The following STT3A variants were observed in gnomAD, a reference collection of about 807,000 sequenced individuals.
The protein encoded by STT3A is STT3 oligosaccharyltransferase complex catalytic subunit A.
STT3A carries 34 observed loss-of-function variants against 89.2 expected under a neutral mutation model. The ratio of observed to expected loss-of-function variants is 0.38; its 90% CI spans 0.29 to 0.51. The LOEUF is 0.51. Among genes scored for constraint, STT3A ranks in the 20% least tolerant of loss-of-function variants. The pLI, the probability that STT3A is intolerant of heterozygous loss-of-function variation, is 0.89. For missense variants in STT3A, 555 were observed against 889.5 expected (o/e 0.62, Z 4.78); for synonymous variants, 282 against 310.3 (o/e 0.91, Z 0.96).
At chr11:125,596,911 G>C (rs942692652) in intron 2 of STT3A, 148 bp from the exon 3 acceptor site, 3 of 846,008 alleles carry the variant, frequency 3.5e-6, no homozygotes, top group Non-Finnish European at 5.4e-6. Context: ...CCTTTATGTG[G>C]GGAAAGATGG....
At chr11:125,610,021 G>A (rs1436321525) in intron 10 of STT3A, 3 of 149,568 alleles carry the variant, frequency 2.0e-5, no homozygotes, top group African/African-American at 7.5e-5. Flanking sequence ...ATTTACCGGT[G>A]TTAGTGGTCT....
At chr11:125,604,783 A>C (rs1335057728) in intron 6 of STT3A, among the ~76,000 whole-genome samples, 1 of 152,244 alleles carries the variant, frequency 6.6e-6, no homozygotes, top group African/African-American at 2.4e-5. Flanking sequence ...GCCATGATAA[A>C]AATTTGAACA....
intron 15 of STT3A, among the ~76,000 whole-genome samples, chr11:125,615,219 A>G (rs1467747224): frequency 6.6e-6 from 1 of 152,102 alleles, no homozygotes; most frequent in Non-Finnish European, 1.5e-5. Context: ...GTGGGCTGAC[A>G]TTGCGCCATT....
intron 10 of STT3A, 72 bp from the exon 11 acceptor site, chr11:125,611,356 A>G: frequency 8.6e-7 from 1 of 1,158,808 alleles, no homozygotes; most frequent in Non-Finnish European, 1.3e-6. Context: ...CAGTCATATA[A>G]TGAAGATACT....
In STT3A at chr11:125,595,960, C is replaced by T. The variant is rs1473936563; in HGVS notation, c.45C>T (p.Asp15=). ...TGCGATTGTCCTATGAGAAGCAGGA[C>T]ACACTTTTGAAGCTTCTCATTCTGT... ...GFLRLSYEKQ[D]TLLKLLILSM... The change falls in exon 2 of 18, where the codon GAC becomes GAT. Residue 15 remains aspartate (D), a synonymous_variant. Transcript: ENST00000392708. The T allele has an allele frequency of 4.3e-6, 7 of 1,614,038 alleles. No homozygotes were observed. Among genetic ancestry groups the T allele is most frequent in the Non-Finnish European group, 5.1e-6 (6 of 1,179,952 alleles).
intron 9 of STT3A, among the ~76,000 whole-genome samples, chr11:125,608,771 C>T (rs113436121): frequency 0.013 from 1,962 of 152,350 alleles, 21 homozygotes; most frequent in Non-Finnish European, 0.022. Flanking sequence ...ATTTTACATT[C>T]AATCCACTTT....
At chr11:125,592,517 G>C (rs941922131), upstream of STT3A, 3 of 454,348 alleles carry the variant, frequency 6.6e-6, no homozygotes, top group African/African-American at 6.0e-5. Flanking sequence ...TCACATGACG[G>C]GAGTCAGTGG....
Position 125,618,397 on chromosome 11 carries a change from T to G in STT3A, c.1799T>G (p.Val600Gly). The G allele has an allele frequency of 6.2e-7, 1 of 1,610,998 alleles. No individual in the cohort carries two copies. The highest frequency in any genetic ancestry group is 8.5e-7 in the Non-Finnish European group (1 of 1,178,930). The change falls in exon 16 of 18, where the codon GTC becomes GGC. Residue 600 changes from valine to glycine, a missense_variant. Physicochemically the swap from Val to Gly is moderately radical, Grantham distance 109 (BLOSUM62 -3). Around this residue, in one of 5 missense-constraint regions of STT3A, gnomAD observed 273 missense variants for 449.8 expected, o/e 0.61. Transcript: ENST00000392708. Reference protein sequence around the residue: ...SDDINKFLWMVRIGGSTDTGK... With the variant: ...SDDINKFLWMGRIGGSTDTGK... Reference sequence around the variant, plus strand: ...GATATCAACAAGTTTCTTTGGATGGTCCGGATTGGAGGGAGCACAGATACA... The same window carrying G: ...GATATCAACAAGTTTCTTTGGATGGGCCGGATTGGAGGGAGCACAGATACA...
chr11:125,617,787 T>C (rs1178685083), intron 15 of STT3A, among the ~76,000 whole-genome samples: 1 of 152,224 alleles, frequency 6.6e-6, no homozygotes, highest in Non-Finnish European at 1.5e-5. Flanking sequence ...CACTGTCTAA[T>C]AGAAATAATG....
At chr11:125,612,791 G>GTGTGTGTA (rs781646960) in intron 12 of STT3A, 44 bp downstream of exon 12, 8 of 1,599,658 alleles carry the variant, frequency 5.0e-6, no homozygotes, top group East Asian at 2.2e-5. Flanking sequence ...CTCTGTGTGT[G>GTGTGTGTA]TGTGTGTATG....
At position 125,618,472 on chromosome 11, in the gene STT3A, G is replaced by A. The variant is rs775696721; in HGVS notation, c.1874G>A (p.Arg625His). 1.1e-5 allele frequency: 17 copies of A among 1,613,862 alleles called. 1 individual carries two copies. The South Asian group carries it at 1.4e-4, about 14-fold the overall frequency. Reference sequence around the variant, plus strand: ...TATTATACTCCAACTGGGGAGTTCCGTGTGGACCGTGAAGGTTCTCCAGTG... The same window carrying A: ...TATTATACTCCAACTGGGGAGTTCCATGTGGACCGTGAAGGTTCTCCAGTG... ...NDYYTPTGEF[R>H]VDREGSPVLL... The change falls in exon 16 of 18, where the codon CGT becomes CAT. Residue 625 changes from arginine to histidine, a missense_variant. Physicochemically the swap from Arg to His is conservative, Grantham distance 29. This residue lies in a region of STT3A where 273 missense variants were observed against 449.8 expected (regional missense o/e 0.61). Coordinates refer to ENST00000392708, the MANE Select transcript of STT3A (RefSeq NM_152713.5).
chr11:125,612,564 G>T, intron 11 of STT3A, 28 bp from the exon 12 acceptor site: 1 of 1,607,432 alleles, frequency 6.2e-7, no homozygotes, highest in Non-Finnish European at 8.5e-7. Flanking sequence ...ACACTGATTA[G>T]ACTGATCATG....
At chr11:125,598,302 A>G (rs1293797675) in intron 3 of STT3A, among the ~76,000 whole-genome samples, 1 of 152,112 alleles carries the variant, frequency 6.6e-6, no homozygotes, top group Non-Finnish European at 1.5e-5. Flanking sequence ...AGGAACCGTG[A>G]TTTGAATGTT....
chr11:125,610,623 G>A (rs1454755515), intron 10 of STT3A: 1 of 151,958 alleles, frequency 6.6e-6, no homozygotes, highest in African/African-American at 2.4e-5. Context: ...AGGATGAGGT[G>A]GGAGGATTGC....
Position 125,614,281 on chromosome 11 carries a change from G to T in STT3A, c.1672-43G>T. ...ATGTGTCTGCATGAGGGGATCATAT[G>T]ACTTGGGATTTTGCTCTGAGAATTG... On this transcript the variant is annotated intron_variant, in intron 14 of 17. Coordinates refer to ENST00000392708, the MANE Select transcript of STT3A (RefSeq NM_152713.5). This position sits in a 1 kb window ranked among gnomAD's most constrained non-coding sequence, Gnocchi z 4.9. 1 of 1,613,516 alleles carries T rather than the reference G, an allele frequency of 6.2e-7. No individual in the cohort carries two copies. The highest frequency in any genetic ancestry group is 1.1e-5 in the South Asian group (1 of 91,014).
chr11:125,592,730 G>T (rs12270381), upstream of STT3A: 4,201 of 296,812 alleles, frequency 0.014, 160 homozygotes, highest in African/African-American at 0.083. Flanking sequence ...TTGAATCGCG[G>T]CCCGGTTTAC....
chr11:125,618,036 G>A (rs981437336), intron 15 of STT3A, among the ~76,000 whole-genome samples: 46 of 151,738 alleles, frequency 3.0e-4, no homozygotes, highest in African/African-American at 1.0e-3. Context: ...ATCTTAATTT[G>A]GACTAGCCAC....
intron 6 of STT3A, among the ~76,000 whole-genome samples, chr11:125,605,264 A>G (rs545497885): frequency 9.9e-5 from 15 of 152,264 alleles, no homozygotes; most frequent in African/African-American, 3.6e-4. Flanking sequence ...CATGAGTATT[A>G]TATGTTAAGA....
In STT3A at chr11:125,622,014, G is replaced by C. The variant is rs182599244; in HGVS notation, c.*1204G>C. ...TGTGCCACTGTACTCCAGTCTGGGC[G>C]ACAGTGAAATCTTGTCTAAACAAAA... is the stretch of plus-strand genomic sequence containing the variant. On this transcript the variant is annotated 3_prime_UTR_variant, in exon 18 of 18. Transcript: ENST00000392708. The C allele has an allele frequency of 6.6e-6, 1 of 152,202 alleles. No homozygotes were observed. Among genetic ancestry groups the C allele is most frequent in the African/African-American group, 2.4e-5 (1 of 41,448 alleles). The allele number at this position is 152,202 out of a possible 1,614,324, so 9.4% of individuals were successfully genotyped here.
Sources: gnomAD v4.1 joint callset for allele counts (sites outside exome capture counted in the v4.1 genomes callset) on GRCh38, gnomAD v4.1.1 for gene constraint, gnomAD v4.1.1 regional missense constraint, Gnocchi (gnomAD v3.1) non-coding constraint, MANE v1.5 for transcripts, NCBI Gene and HGNC (gene_info 2026-07-23, HGNC 2026-07-21) for gene names.